CDC42BPB: variants seen among roughly 807,000 people sequenced by gnomAD.
CDC42BPB encodes serine/threonine-protein kinase MRCK beta.
In CDC42BPB, 37 loss-of-function variants were observed where a neutral mutation model predicts 214.9. The ratio of observed to expected loss-of-function variants is 0.17; its 90% CI spans 0.13 to 0.23. The LOEUF (loss-of-function observed/expected upper bound fraction) is 0.23, where lower values mean the gene tolerates loss of function less well. Among genes scored for constraint, CDC42BPB ranks in the 10% least tolerant of loss-of-function variants. The pLI, the probability that CDC42BPB is intolerant of heterozygous loss-of-function variation, is 1.00. For synonymous variants in CDC42BPB, 931 were observed against 884.0 expected, an observed-to-expected ratio of 1.05 and a Z score of -0.94; for missense variants, 1,694 against 2,227.0, an observed-to-expected ratio of 0.76 and a Z score of 4.82.
intron 1 of CDC42BPB, among the ~76,000 whole-genome samples, chr14:103,048,798 C>T (rs996987596): frequency 5.3e-5 from 8 of 151,314 alleles, no homozygotes; most frequent in Admixed American, 1.3e-4. Flanking sequence ...CACTTGAACC[C>T]GGGAGGCGGA....
rs746406995 is a variant in CDC42BPB, at chr14:102,946,536, T to C, written c.3680A>G (p.His1227Arg). The C allele has an allele frequency of 3.1e-6, 5 of 1,612,662 alleles. No individual in the cohort carries two copies. Among genetic ancestry groups the C allele is most frequent in the African/African-American group, 1.3e-5 (1 of 74,934 alleles). Residue 1227 changes from histidine (H) to arginine (R), a missense_variant, in exon 28 of 37, where the codon CAT becomes CGT. Transcript: ENST00000361246. ...GCTGTCGTAGGCTTCCAAGGGAACA[T>C]GCACGACCTGATTCCTCAGCCGGTT... ...HKNRLRNQVV[H>R]VPLEAYDSSL...
Position 102,968,412 on chromosome 14 carries a change from G to GT in CDC42BPB, c.2241-55dup, listed in dbSNP as rs35893643. On this transcript the variant is annotated intron_variant, in intron 15 of 36. Transcript: ENST00000361246. ...AAAGCTCGTAACTTCACTGATATTC[G>GT]TATCTATGGCGTGGGTATCAGCTTG... The GT allele has an allele frequency of 8.8e-3, 14,124 of 1,613,012 alleles. 887 individuals carry two copies. In the African/African-American group the frequency reaches 0.15, roughly 17 times the overall value.
intron 20 of CDC42BPB, among the ~76,000 whole-genome samples, chr14:102,960,867 T>A (rs1298634036): frequency 6.6e-6 from 1 of 152,028 alleles, no homozygotes; most frequent in African/African-American, 2.4e-5. Context: ...GTATTCTAAT[T>A]TAAAAAATGA....
In CDC42BPB at chr14:102,944,271, C is replaced by A. The variant is rs745676686; in HGVS notation, c.4028G>T (p.Cys1343Phe). 2 of 1,613,228 alleles carry A rather than the reference C, an allele frequency of 1.2e-6. No individual in the cohort carries two copies. The highest frequency in any genetic ancestry group is 3.3e-5 in the Admixed American group (2 of 60,028). ...TATLKRNSGT[C>F]LFVAVKRLIL... The stretch of plus-strand genomic sequence containing the variant: ...CAGCCGTTTCACGGCCACAAACAGG[C>A]AGGTGCCAGAGTTCCTCTTGAGTGT... Residue 1343 changes from cysteine to phenylalanine, a missense_variant, in exon 30 of 37, where the codon TGC (cysteine) becomes TTC (phenylalanine). Transcript: ENST00000361246. This position sits in a 1 kb window ranked among gnomAD's most constrained non-coding sequence, Gnocchi z 6.6.
At chr14:102,935,753 G>A (rs1321325658) in intron 36 of CDC42BPB, among the ~76,000 whole-genome samples, 1 of 139,022 alleles carries the variant, frequency 7.2e-6, no homozygotes, top group Non-Finnish European at 1.5e-5. Context: ...TCGTGCCACT[G>A]CACTCTGTCT....
intron 14 of CDC42BPB, among the ~76,000 whole-genome samples, chr14:102,969,441 A>G (rs1201115105): frequency 6.6e-6 from 1 of 152,044 alleles, no homozygotes; most frequent in Non-Finnish European, 1.5e-5. Context: ...CAGAGAGGAG[A>G]CTCAAGGGCT....
At chr14:102,947,625 G>A in intron 27 of CDC42BPB, 96 bp downstream of exon 27, 2 of 1,073,652 alleles carry the variant, frequency 1.9e-6, no homozygotes, top group Non-Finnish European at 1.4e-6. Context: ...GGGCCACACT[G>A]GAGGTGCGCT....
intron 8 of CDC42BPB, among the ~76,000 whole-genome samples, chr14:102,979,509 G>A (rs1020231970): frequency 6.6e-6 from 1 of 152,072 alleles, no homozygotes; most frequent in African/African-American, 2.4e-5. Flanking sequence ...GCCGCACCCG[G>A]CCCAGATTTA....
At chr14:102,946,355 T>C in intron 28 of CDC42BPB, 113 bp downstream of exon 28, 4 of 1,185,244 alleles carry the variant, frequency 3.4e-6, no homozygotes, top group Non-Finnish European at 4.8e-6. Context: ...GGAGAAACTG[T>C]CTACAAACCC....
intron 1 of CDC42BPB, among the ~76,000 whole-genome samples, chr14:103,053,578 G>T (rs34027659): frequency 2.0e-5 from 3 of 151,320 alleles, no homozygotes; most frequent in East Asian, 2.0e-4. Context: ...TGGCTAACAC[G>T]GTGAAACCCC....
intron 4 of CDC42BPB, among the ~76,000 whole-genome samples, chr14:103,002,208 A>AC: frequency 6.6e-6 from 1 of 152,134 alleles, no homozygotes; most frequent in East Asian, 1.9e-4. Context: ...AACTGGCCTA[A>AC]CCCTCAACGC....
chr14:102,944,468 G>C lies in CDC42BPB; in HGVS notation c.3831C>G (p.Asp1277Glu). The change falls in exon 30 of 37, where the codon GAC becomes GAG. Residue 1277 changes from aspartate (D) to glutamate (E), a missense_variant. Transcript: ENST00000361246. The surrounding 1 kb of genome is among the most constrained non-coding windows in gnomAD (Gnocchi z 6.6). ...GCTCGATCTGGTGTACCTTCTTACA[G>C]TCAGCGGCACGGACGATCACTGTGG... ...VTRDVIVRAA[D>E]CKKVHQIELA... is the part of the protein sequence containing the mutation. 1.2e-6 allele frequency: 2 copies of C among 1,612,008 alleles called. No individual in the cohort carries two copies. The highest frequency in any genetic ancestry group is 1.7e-6 in the Non-Finnish European group (2 of 1,179,294).
rs145238679 is a variant in CDC42BPB at position 102,994,297 on chromosome 14, C to T, written c.596+5268G>A. 2.0e-3 allele frequency among the ~76,000 whole-genome samples: 306 copies of T among 152,310 alleles called. 2 individuals are homozygous for T. Among genetic ancestry groups the T allele is most frequent in the African/African-American group, 7.0e-3 (291 of 41,566 alleles). On this transcript the variant is annotated intron_variant, in intron 5 of 36. Transcript: ENST00000361246. ...AAGGCCATCTTCCTTGTATACCTTC[C>T]AGGGGCCATTTGCACGCACTGGGGG...
In CDC42BPB at chr14:102,944,702, C is replaced by T. The variant is rs781021227; in HGVS notation, c.3812-215G>A. On this transcript the variant is annotated intron_variant, in intron 29 of 36. Coordinates refer to ENST00000361246, the MANE Select transcript of CDC42BPB (RefSeq NM_006035.4). This position sits in a 1 kb window ranked among gnomAD's most constrained non-coding sequence, Gnocchi z 6.6. Reference sequence around the variant, plus strand: ...GAGAAGCTGCCCCACATCCACAGCGCGCTCCTGGGGCAGCCTCGGGGGCTG... The same window carrying T: ...GAGAAGCTGCCCCACATCCACAGCGTGCTCCTGGGGCAGCCTCGGGGGCTG... 113 of 983,034 alleles carry T rather than the reference C, an allele frequency of 1.1e-4. 1 individual carries two copies. Among genetic ancestry groups the T allele is most frequent in the Non-Finnish European group, 1.2e-4 (102 of 827,898 alleles). The allele number at this position is 983,034 out of a possible 1,614,324, so 60.9% of individuals were successfully genotyped here.
chr14:102,979,653 A>C (rs1413932599), intron 8 of CDC42BPB, among the ~76,000 whole-genome samples: 8 of 152,234 alleles, frequency 5.3e-5, no homozygotes, highest in Non-Finnish European at 1.0e-4. Flanking sequence ...ATACAGAGTG[A>C]ATGATGATGC....
At chr14:102,951,095 G>C (rs1892470032) in intron 24 of CDC42BPB, among the ~76,000 whole-genome samples, 2 of 152,250 alleles carry the variant, frequency 1.3e-5, no homozygotes, top group South Asian at 4.1e-4. Flanking sequence ...TGGCATGAAT[G>C]CGTCTTCAGC....
Position 102,939,190 on chromosome 14 carries a change from C to T in CDC42BPB, c.4827+420G>A, listed in dbSNP as rs1237217602. On this transcript the variant is annotated intron_variant, in intron 34 of 36. Transcript: ENST00000361246. ...TCCTGACCTCGTGATCCGCCCGCCTCGGCCTCCCAAAGTGCTGGGATTACA... is the reference window on the plus strand; with the variant it reads ...TCCTGACCTCGTGATCCGCCCGCCTTGGCCTCCCAAAGTGCTGGGATTACA... Among the ~76,000 whole-genome samples, 8 of 151,502 alleles carry T rather than the reference C, an allele frequency of 5.3e-5. No homozygotes were observed. In the East Asian group the frequency reaches 5.9e-4, roughly 11 times the overall value.
At chr14:103,054,455 G>T (rs1040990922) in intron 1 of CDC42BPB, among the ~76,000 whole-genome samples, 1 of 152,238 alleles carries the variant, frequency 6.6e-6, no homozygotes, top group African/African-American at 2.4e-5. Flanking sequence ...CTGAGCAGAA[G>T]TAATTCCACT....
chr14:103,031,693 G>C (rs1038040642), intron 1 of CDC42BPB, among the ~76,000 whole-genome samples: 8 of 152,116 alleles, frequency 5.3e-5, no homozygotes, highest in African/African-American at 1.9e-4. Context: ...GAAGGGCCTG[G>C]GGCTCCCAAC....
Sources: gnomAD v4.1 joint callset for allele counts (sites outside exome capture counted in the v4.1 genomes callset) on GRCh38, gnomAD v4.1.1 for gene constraint, Gnocchi (gnomAD v3.1) non-coding constraint, MANE v1.5 for transcripts, NCBI Gene and HGNC (gene_info 2026-07-23, HGNC 2026-07-21) for gene names.